The following MGAT5 variants were observed in gnomAD, a reference collection of about 807,000 sequenced individuals.
MGAT5 encodes the protein alpha-1,6-mannosylglycoprotein 6-beta-N-acetylglucosaminyltransferase A.
In MGAT5, 30 loss-of-function variants were observed where a neutral mutation model predicts 94.3. The observed-to-expected ratio is 0.32, with a 90% CI of 0.24 to 0.43. The LOEUF (loss-of-function observed/expected upper bound fraction) is 0.43, where lower values mean the gene tolerates loss of function less well. Ranked by LOEUF, MGAT5 falls within the 20% of genes least tolerant of loss-of-function variation. The pLI, the probability that MGAT5 is intolerant of heterozygous loss-of-function variation, is 1.00. For missense variants in MGAT5, 691 were observed against 905.5 expected, an observed-to-expected ratio of 0.76 and a Z score of 3.04; for synonymous variants, 310 against 322.9, an observed-to-expected ratio of 0.96 and a Z score of 0.43.
At chr2:134,370,694 G>T (rs1680736254) in intron 10 of MGAT5, among the ~76,000 whole-genome samples, 1 of 152,258 alleles carries the variant, frequency 6.6e-6, no homozygotes, top group Non-Finnish European at 1.5e-5. Context: ...CATGATAAAG[G>T]GCACTCACAT....
At chr2:134,130,633 G>A (rs753075361) in intron 1 of MGAT5, among the ~76,000 whole-genome samples, 1 of 151,644 alleles carries the variant, frequency 6.6e-6, no homozygotes. Context: ...TGTCTAGCTA[G>A]AGGGTTGTAA....
chr2:134,186,714 T>C (rs989999196), intron 1 of MGAT5, among the ~76,000 whole-genome samples: 2 of 152,184 alleles, frequency 1.3e-5, no homozygotes, highest in Admixed American at 1.3e-4. Context: ...ATCGTGACTT[T>C]ACTCTGTATA....
chr2:134,139,152 A>C (rs12465397), intron 1 of MGAT5, among the ~76,000 whole-genome samples: 18,133 of 152,262 alleles, frequency 0.12, 1,218 homozygotes, highest in East Asian at 0.2. Flanking sequence ...AAAACATGGA[A>C]AGGGTTTTGT....
intron 1 of MGAT5, among the ~76,000 whole-genome samples, chr2:134,247,359 T>TAAAAAAAAAA (rs34029606): frequency 2.2e-5 from 2 of 91,472 alleles, no homozygotes; most frequent in East Asian, 2.9e-4. Flanking sequence ...GGGCCTGAAT[T>TAAAAAAAAAA]AAAAAAAAAA....
chr2:134,239,678 T>C (rs1291146416), intron 1 of MGAT5, among the ~76,000 whole-genome samples: 2 of 151,886 alleles, frequency 1.3e-5, no homozygotes, highest in Non-Finnish European at 2.9e-5. Flanking sequence ...TTGATTTCCC[T>C]TTGCCATGTA....
At chr2:134,406,120 C>G (rs1017163676) in intron 11 of MGAT5, among the ~76,000 whole-genome samples, 9 of 152,224 alleles carry the variant, frequency 5.9e-5, no homozygotes, top group African/African-American at 2.2e-4. Context: ...AAATCTCCAT[C>G]TCTTTTAAAG....
At chr2:134,207,130 C>G (rs2105306880) in intron 1 of MGAT5, among the ~76,000 whole-genome samples, 1 of 152,296 alleles carries the variant, frequency 6.6e-6, no homozygotes. Flanking sequence ...CATTCCTTCA[C>G]TCATGGCTTC....
chr2:134,377,211 G>T (rs1434290972), intron 10 of MGAT5, among the ~76,000 whole-genome samples: 3 of 152,206 alleles, frequency 2.0e-5, no homozygotes, highest in Non-Finnish European at 4.4e-5. Context: ...TATGGGGCTG[G>T]TTTCTTCACT....
intron 10 of MGAT5, among the ~76,000 whole-genome samples, chr2:134,387,777 G>T (rs959500841): frequency 2.0e-5 from 3 of 152,064 alleles, no homozygotes; most frequent in African/African-American, 7.2e-5. Context: ...ACGAATATTG[G>T]GAGAAAGCTG....
rs1686547498 is a variant in MGAT5, at chr2:134,139,081, A to T, written c.-143+18790A>T. On this transcript the variant is annotated intron_variant, in intron 1 of 16. Transcript: ENST00000409645. ...GAATACAGCCGAAGAGAAATTCTCT[A>T]AGGCTAGGCGAAAGGTTTTTTTGGC... is the stretch of plus-strand genomic sequence containing the variant. 2.6e-5 allele frequency among the ~76,000 whole-genome samples: 4 copies of T among 152,352 alleles called. No individual in the cohort carries two copies. In the South Asian group the frequency reaches 8.3e-4, roughly 32 times the overall value.
intron 1 of MGAT5, among the ~76,000 whole-genome samples, chr2:134,153,722 G>A (rs1035667112): frequency 6.6e-5 from 10 of 152,086 alleles, no homozygotes; most frequent in African/African-American, 2.4e-4. Flanking sequence ...GGGTGATTAA[G>A]CCACTCACTC....
At chr2:134,437,343 A>G (rs1333609436) in intron 14 of MGAT5, among the ~76,000 whole-genome samples, 1 of 152,214 alleles carries the variant, frequency 6.6e-6, no homozygotes, top group African/African-American at 2.4e-5. Context: ...GAGGCTGAAC[A>G]TGAATAAGAA....
At chr2:134,385,717 A>G (rs900029182) in intron 10 of MGAT5, among the ~76,000 whole-genome samples, 1 of 152,218 alleles carries the variant, frequency 6.6e-6, no homozygotes, top group Non-Finnish European at 1.5e-5. Flanking sequence ...CGAAACATAC[A>G]TAGGGCATGA....
At chr2:134,260,379 T>A (rs981122188) in intron 1 of MGAT5, among the ~76,000 whole-genome samples, 8 of 152,216 alleles carry the variant, frequency 5.3e-5, no homozygotes, top group South Asian at 2.1e-4. Context: ...TGCTTTGGAC[T>A]TCCGATTGGC....
intron 12 of MGAT5, among the ~76,000 whole-genome samples, chr2:134,420,787 G>A (rs1489140517): frequency 2.6e-5 from 4 of 152,136 alleles, no homozygotes; most frequent in African/African-American, 4.8e-5. Flanking sequence ...GCCTACCCGT[G>A]TAATTTCAAA....
At chr2:134,420,330 TC>T (rs1453641074) in intron 12 of MGAT5, among the ~76,000 whole-genome samples, 1 of 152,198 alleles carries the variant, frequency 6.6e-6, no homozygotes, top group African/African-American at 2.4e-5. Context: ...TTTTCTGAGT[TC>T]CGTGGGCCTG....
chr2:134,338,286 C>A lies in MGAT5; in HGVS notation c.673C>A (p.Leu225Ile). 3 of 1,607,268 alleles carry A rather than the reference C, an allele frequency of 1.9e-6. No homozygotes were observed. Among genetic ancestry groups the A allele is most frequent in the Non-Finnish European group, 2.5e-6 (3 of 1,177,390 alleles). The change falls in exon 6 of 16, where the codon CTC becomes ATC. Residue 225 changes from leucine (L) to isoleucine (I), a missense_variant. This residue lies in a region of MGAT5 where 307 missense variants were observed against 335.4 expected (regional missense o/e 0.92). Coordinates refer to ENST00000281923, the MANE Select transcript of MGAT5 (RefSeq NM_002410.5). ...GGAAATTCGTACAGATTTTAATATT[C>A]TCTACAGTATGATGAAAAAGCATGA... is the stretch of plus-strand genomic sequence containing the variant. ...LAEIRTDFNILYSMMKKHEEF... is the reference protein window; with the variant it reads ...LAEIRTDFNIIYSMMKKHEEF...
At chr2:134,413,955 TA>T (rs1254261032) in intron 12 of MGAT5, among the ~76,000 whole-genome samples, 1 of 152,268 alleles carries the variant, frequency 6.6e-6, no homozygotes, top group Non-Finnish European at 1.5e-5. Context: ...TTTCAATGGT[TA>T]TTTTTTATTG....
At chr2:134,138,565 AC>A (rs1251331753) in intron 1 of MGAT5, among the ~76,000 whole-genome samples, 1 of 152,074 alleles carries the variant, frequency 6.6e-6, no homozygotes, top group Non-Finnish European at 1.5e-5. Flanking sequence ...AAAGGTGAGG[AC>A]CTCACACATG....
Sources: gnomAD v4.1 joint callset for allele counts (sites outside exome capture counted in the v4.1 genomes callset) on GRCh38, gnomAD v4.1.1 for gene constraint, gnomAD v4.1.1 regional missense constraint, MANE v1.5 for transcripts, NCBI Gene and HGNC (gene_info 2026-07-23, HGNC 2026-07-21) for gene names.